The following TYW1 variants were observed in gnomAD, a reference collection of about 807,000 sequenced individuals.
TYW1 encodes tRNA-yW synthesizing protein 1 homolog, also known as S-adenosyl-L-methionine-dependent tRNA 4-demethylwyosine synthase TYW1.
TYW1 carries 46 observed loss-of-function variants against 96.2 expected under a neutral mutation model. The ratio of observed to expected loss-of-function variants is 0.48; its 90% CI spans 0.38 to 0.61. The LOEUF (loss-of-function observed/expected upper bound fraction) is 0.61, where lower values mean the gene tolerates loss of function less well. Among genes scored for constraint, TYW1 ranks in the 20% least tolerant of loss-of-function variants. TYW1 has a pLI of 0.00. For synonymous variants in TYW1, 274 were observed against 323.0 expected (o/e 0.85, Z 1.63); for missense variants, 684 against 909.6 (o/e 0.75, Z 3.19).
chr7:67,005,416 C>A (rs902309107), intron 3 of TYW1, among the ~76,000 whole-genome samples: 1 of 152,120 alleles, frequency 6.6e-6, no homozygotes, highest in Non-Finnish European at 1.5e-5. Flanking sequence ...TGCAACATGG[C>A]AAAACTCTAT....
intron 7 of TYW1, among the ~76,000 whole-genome samples, chr7:67,035,407 C>T (rs548305741): frequency 1.4e-4 from 21 of 152,066 alleles, no homozygotes; most frequent in African/African-American, 3.9e-4. Context: ...TGAGCCACTG[C>T]GCCTGGCCTG....
intron 9 of TYW1, among the ~76,000 whole-genome samples, chr7:67,063,544 C>G (rs1215825066): frequency 1.4e-5 from 2 of 145,726 alleles, no homozygotes; most frequent in Admixed American, 1.4e-4. Flanking sequence ...AATAAATTTC[C>G]TAGAACCTGA....
intron 13 of TYW1, 138 bp from the exon 14 acceptor site, chr7:67,182,988 A>G (rs1174263554): frequency 3.5e-6 from 2 of 567,806 alleles, no homozygotes; most frequent in East Asian, 5.9e-5. Context: ...TCCTCAAAAT[A>G]TAGCTTCAGT....
chr7:67,169,951 A>G (rs1015387659), intron 13 of TYW1, among the ~76,000 whole-genome samples: 7 of 152,170 alleles, frequency 4.6e-5, no homozygotes, highest in Non-Finnish European at 7.3e-5. Flanking sequence ...TGAAGCACAG[A>G]AAGTTTTAAC....
At chr7:67,101,402 C>T (rs1237745903) in intron 12 of TYW1, among the ~76,000 whole-genome samples, 2 of 152,118 alleles carry the variant, frequency 1.3e-5, no homozygotes, top group African/African-American at 2.4e-5. Flanking sequence ...GATGACGGTG[C>T]TCCTGCTCTG....
chr7:67,096,615 T>C (rs1458755211), intron 11 of TYW1, among the ~76,000 whole-genome samples: 1 of 151,836 alleles, frequency 6.6e-6, no homozygotes, highest in Non-Finnish European at 1.5e-5. Flanking sequence ...GGGGTACAAG[T>C]GCAGGTTTGT....
At chr7:67,034,854 G>A (rs375574001) in intron 7 of TYW1, among the ~76,000 whole-genome samples, 28 of 152,278 alleles carry the variant, frequency 1.8e-4, no homozygotes, top group Middle Eastern at 3.4e-3. Flanking sequence ...AAATTCCGGC[G>A]TCAAAGGGAG....
At chr7:67,098,893 A>G (rs910690373) in intron 12 of TYW1, among the ~76,000 whole-genome samples, 175 bp downstream of exon 12, 1 of 152,218 alleles carries the variant, frequency 6.6e-6, no homozygotes, top group Non-Finnish European at 1.5e-5. Context: ...ATTAGGCACA[A>G]CAACATTAGT....
intron 15 of TYW1, among the ~76,000 whole-genome samples, chr7:67,222,857 GCTTT>G (rs1801436217): frequency 9.0e-6 from 1 of 110,774 alleles, no homozygotes; most frequent in Non-Finnish European, 1.9e-5. Flanking sequence ...ATCTCTGTTC[GCTTT>G]TTTTCTTTTT....
intron 7 of TYW1, among the ~76,000 whole-genome samples, chr7:67,032,929 C>T (rs1167925354): frequency 9.5e-6 from 1 of 104,718 alleles, no homozygotes; most frequent in Non-Finnish European, 1.7e-5. Flanking sequence ...CAGAATCTCG[C>T]TGTCTCATCC....
chr7:67,009,362 T>C (rs4718441), intron 3 of TYW1, among the ~76,000 whole-genome samples: 99,117 of 152,000 alleles, frequency 0.65, 32,351 homozygotes, highest in Middle Eastern at 0.74. Flanking sequence ...TTCAGTCCTA[T>C]GTAAACCCTG....
At chr7:67,101,461 G>C (rs67737819) in intron 12 of TYW1, among the ~76,000 whole-genome samples, 2 of 151,996 alleles carry the variant, frequency 1.3e-5, no homozygotes, top group African/African-American at 4.8e-5. Context: ...TTAAGATCAC[G>C]GTTATTTCTA....
At chr7:67,154,374 T>C (rs1271073065) in intron 13 of TYW1, among the ~76,000 whole-genome samples, 1 of 152,208 alleles carries the variant, frequency 6.6e-6, no homozygotes, top group African/African-American at 2.4e-5. Context: ...CTTAAACATT[T>C]CTTGTACAGT....
intron 9 of TYW1, among the ~76,000 whole-genome samples, chr7:67,057,329 T>C (rs2044307150): frequency 6.6e-6 from 1 of 151,220 alleles, no homozygotes; most frequent in African/African-American, 2.4e-5. Flanking sequence ...GTGGTTTTAA[T>C]TTACATTTTG....
At chr7:67,070,737 C>G (rs1416807778) in intron 10 of TYW1, among the ~76,000 whole-genome samples, 1 of 152,046 alleles carries the variant, frequency 6.6e-6, no homozygotes. Context: ...TTTAGTTGGT[C>G]TAATGCCTAT....
intron 1 of TYW1, 104 bp from the exon 2 acceptor site, chr7:66,997,961 G>T: frequency 2.9e-6 from 4 of 1,380,488 alleles, no homozygotes; most frequent in Non-Finnish European, 3.9e-6. Context: ...TTTCTTAGCT[G>T]GGTTGTTGAA....
At chr7:67,055,665 A>AAAT (rs1332090848) in intron 8 of TYW1, among the ~76,000 whole-genome samples, 170 bp from the exon 9 acceptor site, 7 of 151,498 alleles carry the variant, frequency 4.6e-5, no homozygotes, top group Admixed American at 3.9e-4. Flanking sequence ...TATAGATTTT[A>AAAT]AATTGTTTTC....
In TYW1 at chr7:67,066,174, G is replaced by A. The variant is rs1795863346; in HGVS notation, c.1156-1111G>A. On this transcript the variant is annotated intron_variant, in intron 9 of 15. Coordinates refer to ENST00000359626, the MANE Select transcript of TYW1 (RefSeq NM_018264.4). Reference sequence around the variant, plus strand: ...TATTTTGGATGACTTCCTCTGTTTTGCTCCTCAGTGGGGAATGACATTGAT... The same window carrying A: ...TATTTTGGATGACTTCCTCTGTTTTACTCCTCAGTGGGGAATGACATTGAT... Among the ~76,000 whole-genome samples, 3 of 152,050 alleles carry A rather than the reference G, an allele frequency of 2.0e-5. No homozygotes were observed. In the South Asian group the frequency reaches 6.2e-4, roughly 32 times the overall value.
At chr7:67,197,429 G>A (rs376157056) in intron 15 of TYW1, among the ~76,000 whole-genome samples, 6 of 151,736 alleles carry the variant, frequency 4.0e-5, no homozygotes, top group African/African-American at 1.2e-4. Context: ...CGCTTCAAGC[G>A]ATTCTCCTGC....
Sources: gnomAD v4.1 joint callset for allele counts (sites outside exome capture counted in the v4.1 genomes callset) on GRCh38, gnomAD v4.1.1 for gene constraint, MANE v1.5 for transcripts, NCBI Gene and HGNC (gene_info 2026-07-23, HGNC 2026-07-21) for gene names.